Variants in ETV1 observed in about 807,000 individuals in gnomAD.
ETV1 encodes ETS translocation variant 1.
In ETV1, 27 loss-of-function variants were observed where a neutral mutation model predicts 62.3. The ratio of observed to expected loss-of-function variants is 0.43; its 90% CI spans 0.32 to 0.60. The LOEUF (loss-of-function observed/expected upper bound fraction) is 0.60. Ranked by LOEUF, ETV1 falls within the 20% of genes least tolerant of loss-of-function variation. The probability of loss-of-function intolerance (pLI) is 0.06; values close to 1 mark genes in which losing one functional copy is unlikely to be tolerated. For missense variants in ETV1, 605 were observed against 605.8 expected (o/e 1.00, Z 0.01); for synonymous variants, 222 against 199.6 (o/e 1.11, Z -0.94).
In ETV1 at chr7:13,932,314, A is replaced by G. The variant is rs568784685; in HGVS notation, c.555-565T>C. On this transcript the variant is annotated intron_variant, in intron 8 of 13. Coordinates refer to ENST00000430479, the MANE Select transcript of ETV1 (RefSeq NM_004956.5). ...ATTCCTCAACAATGTCCTAATTAAC[A>G]TTGCGTTCTAGTAAGAAACAAAACT... Among the ~76,000 whole-genome samples, 5 of 152,184 alleles carry G rather than the reference A, an allele frequency of 3.3e-5. No homozygotes were observed. The South Asian group carries it at 1.0e-3, about 31-fold the overall frequency.
intron 8 of ETV1, among the ~76,000 whole-genome samples, chr7:13,933,007 G>A (rs1170442354): frequency 1.3e-5 from 2 of 152,096 alleles, no homozygotes; most frequent in South Asian, 2.1e-4. Flanking sequence ...TTAGAAACTC[G>A]GATATTGCAG....
At chr7:13,919,253 A>G (rs1784546533) in intron 9 of ETV1, among the ~76,000 whole-genome samples, 1 of 152,134 alleles carries the variant, frequency 6.6e-6, no homozygotes, top group Non-Finnish European at 1.5e-5. Flanking sequence ...GCTCAATATG[A>G]CACAAATCGT....
rs1781664425 is a variant in ETV1 at position 13,895,301 on chromosome 7, A to T, written c.*565T>A. 3 of 233,954 alleles carry T rather than the reference A, an allele frequency of 1.3e-5. No homozygotes were observed. Among genetic ancestry groups the T allele is most frequent in the Non-Finnish European group, 2.5e-5 (3 of 118,260 alleles). The allele number at this position is 233,954 out of a possible 1,614,324, so 14.5% of individuals were successfully genotyped here. On this transcript the variant is annotated 3_prime_UTR_variant, in exon 14 of 14. Coordinates refer to ENST00000430479, the MANE Select transcript of ETV1 (RefSeq NM_004956.5). ...TATAAAGCAAAATAAAACAACAAAC[A>T]GCAAATGCAATCGCTAAATACCTTT...
rs1782578744 is a variant in ETV1 at position 13,986,653 on chromosome 7, T to C, written c.166A>G (p.Thr56Ala). ...TTTGCCTTACCTTCTGCAAGCCATG[T>C]TTCCTGTAATTGACTTAGATCTTGA... ...LFQDLSQLQE[T>A]WLAEAQVPDN... Residue 56 changes from threonine to alanine, a missense_variant, in exon 5 of 14, where the codon ACA becomes GCA. Thr to Ala is a moderately conservative substitution (Grantham distance 58, BLOSUM62 0). Coordinates refer to ENST00000430479, the MANE Select transcript of ETV1 (RefSeq NM_004956.5). 6.2e-7 allele frequency: 1 copy of C among 1,612,712 alleles called. No homozygotes were observed. Among genetic ancestry groups the C allele is most frequent in the Non-Finnish European group, 8.5e-7 (1 of 1,179,426 alleles).
chr7:13,904,383 G>T (rs2128411540), intron 12 of ETV1, among the ~76,000 whole-genome samples: 1 of 152,296 alleles, frequency 6.6e-6, no homozygotes, highest in Non-Finnish European at 1.5e-5. Context: ...GTATGGAACA[G>T]ATGTAATTCT....
intron 9 of ETV1, among the ~76,000 whole-genome samples, chr7:13,924,365 G>C (rs936274155): frequency 6.6e-6 from 1 of 152,138 alleles, no homozygotes; most frequent in African/African-American, 2.4e-5. Context: ...TTTCAAAAGA[G>C]CTATTATAAA....
chr7:13,971,934 A>G (rs1300287919), intron 6 of ETV1, among the ~76,000 whole-genome samples: 1 of 152,024 alleles, frequency 6.6e-6, no homozygotes, highest in Non-Finnish European at 1.5e-5. Context: ...AACAATAGTG[A>G]AACTCCGTCT....
intron 6 of ETV1, among the ~76,000 whole-genome samples, chr7:13,957,756 G>C (rs575956458): frequency 1.7e-4 from 26 of 152,170 alleles, no homozygotes; most frequent in Non-Finnish European, 1.0e-4. Flanking sequence ...ACACAAAGAA[G>C]ATTTATACAG....
At chr7:13,968,119 G>A (rs1181739739) in intron 6 of ETV1, among the ~76,000 whole-genome samples, 1 of 151,886 alleles carries the variant, frequency 6.6e-6, no homozygotes, top group African/African-American at 2.4e-5. Flanking sequence ...AACCAAAGAA[G>A]GTATAGATCA....
intron 6 of ETV1, among the ~76,000 whole-genome samples, chr7:13,957,790 CA>C (rs1789660931): frequency 6.6e-6 from 1 of 152,082 alleles, no homozygotes; most frequent in Non-Finnish European, 1.5e-5. Context: ...TTGATAGTTC[CA>C]AAAAACTAGA....
intron 6 of ETV1, among the ~76,000 whole-genome samples, chr7:13,971,251 G>T (rs563212480): frequency 2.0e-5 from 3 of 152,196 alleles, no homozygotes; most frequent in Non-Finnish European, 4.4e-5. Flanking sequence ...GACTACAGGC[G>T]TGAGCCAATG....
intron 8 of ETV1, among the ~76,000 whole-genome samples, chr7:13,934,562 T>C (rs899947067): frequency 6.6e-6 from 1 of 152,214 alleles, no homozygotes; most frequent in African/African-American, 2.4e-5. Flanking sequence ...CAGGAATTTT[T>C]TGAGCCAGTT....
At chr7:13,976,899 C>A (rs1056961160) in intron 6 of ETV1, among the ~76,000 whole-genome samples, 1 of 152,120 alleles carries the variant, frequency 6.6e-6, no homozygotes, top group Non-Finnish European at 1.5e-5. Flanking sequence ...CTACTGCAAC[C>A]AGGAAGCAGA....
intron 6 of ETV1, among the ~76,000 whole-genome samples, chr7:13,963,358 T>C (rs762060735): frequency 9.7e-4 from 148 of 152,088 alleles, no homozygotes; most frequent in Non-Finnish European, 1.8e-3. Flanking sequence ...AAAATAAAGA[T>C]GCCAAACCTA....
rs1045971325 is a variant in ETV1, at chr7:13,900,432, G to A, written c.1212+306C>T. 14 of 266,266 alleles carry A rather than the reference G, an allele frequency of 5.3e-5. No homozygotes were observed. In the Middle Eastern group the frequency reaches 3.2e-3, roughly 62 times the overall value. The allele number at this position is 266,266 out of a possible 1,614,324, so 16.5% of individuals were successfully genotyped here. On this transcript the variant is annotated intron_variant, in intron 13 of 13. Transcript: ENST00000430479. ...CCAAAATTATATAATTGTAGACAAT[G>A]TGCAATAAAAACTTCTGAAGACAGA...
At chr7:13,898,580 C>A (rs902700792) in intron 13 of ETV1, among the ~76,000 whole-genome samples, 13 of 152,070 alleles carry the variant, frequency 8.5e-5, no homozygotes, top group African/African-American at 2.9e-4. Context: ...AAATTAATTA[C>A]CAGTTTTCAA....
intron 5 of ETV1, among the ~76,000 whole-genome samples, chr7:13,983,856 T>A (rs192482818): frequency 5.3e-5 from 8 of 151,942 alleles, no homozygotes; most frequent in Middle Eastern, 3.4e-3. Context: ...CAGAGGACTT[T>A]ACTGAACTGA....
In ETV1 at chr7:13,911,288, G is replaced by A. The variant is rs775038304; in HGVS notation, c.822C>T (p.Ser274=). The part of the protein sequence containing the change: ...AYDSEVPSCH[S]IYMRQEGFLA... ...GGAAGCCTTCTTGCCTCATATAAAT[G>A]GAGTGGCAGCTAGGCACTTCTGAAA... Residue 274 remains serine (S), a synonymous_variant, in exon 10 of 14, where the codon TCC becomes TCT. Coordinates refer to ENST00000430479, the MANE Select transcript of ETV1 (RefSeq NM_004956.5). The A allele has an allele frequency of 4.3e-6, 7 of 1,612,526 alleles. No homozygotes were observed. The highest frequency in any genetic ancestry group is 5.9e-6 in the Non-Finnish European group (7 of 1,178,886).
chr7:13,944,924 G>A (rs1003299799), intron 6 of ETV1, among the ~76,000 whole-genome samples: 1 of 152,120 alleles, frequency 6.6e-6, no homozygotes, highest in African/African-American at 2.4e-5. Context: ...ATAGGTAAGA[G>A]TGAGGCCTCT....
Sources: allele counts gnomAD v4.1 joint callset (sites outside exome capture counted in the v4.1 genomes callset), GRCh38; gene constraint gnomAD v4.1.1; transcripts MANE v1.5; gene names NCBI Gene and HGNC (gene_info 2026-07-23, HGNC 2026-07-21).